Variants in MINDY3 observed in about 807,000 individuals in gnomAD.
The protein encoded by MINDY3 is MINDY lysine 48 deubiquitinase 3, also known as ubiquitin carboxyl-terminal hydrolase MINDY-3.
In MINDY3, 38 loss-of-function variants were observed where a neutral mutation model predicts 69.2. The ratio of observed to expected loss-of-function variants is 0.55; its 90% CI spans 0.42 to 0.72. MINDY3 has a LOEUF of 0.72. Ranked by LOEUF, MINDY3 falls within the 30% of genes least tolerant of loss-of-function variation. MINDY3 has a pLI of 0.00. For synonymous variants in MINDY3, 192 were observed against 180.1 expected (o/e 1.07, Z -0.53); for missense variants, 522 against 519.0 (o/e 1.01, Z -0.06).
rs745389552 is a variant in MINDY3, at chr10:15,837,274, A to G, written c.506T>C (p.Leu169Ser). ...RSLPELKDAV[L>S]DQYSMWGNKF... Reference sequence around the variant, plus strand: ...ATTTCCCCACATTGAATACTGGTCCAAGACAGCATCTTTTAATTCTGGTAA... The same window carrying G: ...ATTTCCCCACATTGAATACTGGTCCGAGACAGCATCTTTTAATTCTGGTAA... Residue 169 changes from leucine to serine, a missense_variant, in exon 6 of 15, where the codon TTG (leucine) becomes TCG (serine). Leu to Ser is a moderately radical substitution (Grantham distance 145). Coordinates refer to ENST00000277632, the MANE Select transcript of MINDY3 (RefSeq NM_024948.4). 1 of 1,608,170 alleles carries G rather than the reference A, an allele frequency of 6.2e-7. No homozygotes were observed.
intron 1 of MINDY3, among the ~76,000 whole-genome samples, chr10:15,848,763 G>A (rs1255421888): frequency 2.0e-5 from 3 of 151,858 alleles, no homozygotes; most frequent in East Asian, 1.9e-4. Context: ...AGCAGCTAGC[G>A]GAAGTTCTTC....
chr10:15,857,949 C>T (rs189400126), intron 1 of MINDY3: 2 of 985,092 alleles, frequency 2.0e-6, no homozygotes, highest in East Asian at 1.1e-4. Flanking sequence ...CAGTTGTCAA[C>T]TGAAGACACG....
At chr10:15,847,005 G>C (rs528504432) in intron 2 of MINDY3, among the ~76,000 whole-genome samples, 1 of 152,054 alleles carries the variant, frequency 6.6e-6, no homozygotes, top group South Asian at 2.1e-4. Flanking sequence ...TTACAGGTGC[G>C]AGCCACCGTG....
chr10:15,850,502 T>C (rs1834205678), intron 1 of MINDY3, among the ~76,000 whole-genome samples: 1 of 152,118 alleles, frequency 6.6e-6, no homozygotes, highest in Non-Finnish European at 1.5e-5. Flanking sequence ...GGGAGGTCTC[T>C]AAAATGGCCG....
rs140710655 is a variant in MINDY3, at chr10:15,789,886, A to G, written c.956-567T>C. On this transcript the variant is annotated intron_variant, in intron 11 of 14. Coordinates refer to ENST00000277632, the MANE Select transcript of MINDY3 (RefSeq NM_024948.4). ...GAAATGAAGAGTCAAACTAATGCTG[A>G]TGATGACTACTTTATGGAAAATGGT... Among the ~76,000 whole-genome samples, 4 of 152,266 alleles carry G rather than the reference A, an allele frequency of 2.6e-5. No homozygotes were observed. The East Asian group carries it at 7.7e-4, about 29-fold the overall frequency.
intron 10 of MINDY3, among the ~76,000 whole-genome samples, chr10:15,805,835 G>A (rs1380886446): frequency 1.3e-5 from 2 of 152,106 alleles, no homozygotes; most frequent in Non-Finnish European, 2.9e-5. Flanking sequence ...AAAGAGACAC[G>A]TGGAGCACAC....
At chr10:15,809,759 A>C (rs1838873141) in intron 10 of MINDY3, among the ~76,000 whole-genome samples, 1 of 152,110 alleles carries the variant, frequency 6.6e-6, no homozygotes, top group Non-Finnish European at 1.5e-5. Context: ...TCTCATTTAC[A>C]TAGGGTGGCT....
rs752936969 is a variant in MINDY3, at chr10:15,779,133, G to A, written c.1197C>T (p.Tyr399=). Reference sequence around the variant, plus strand: ...CCATCACAACTGCAGTCCCTTCTACGTACATGACCTGTTGAACAAAATAAA... The same window carrying A: ...CCATCACAACTGCAGTCCCTTCTACATACATGACCTGTTGAACAAAATAAA... ...KQSNYNEKVM[Y]VEGTAVVMGF... Residue 399 remains tyrosine (Y), a synonymous_variant, in exon 15 of 15, where the codon TAC becomes TAT. Transcript: ENST00000277632. The A allele has an allele frequency of 4.0e-5, 65 of 1,612,400 alleles. 1 individual carries two copies. Among genetic ancestry groups the A allele is most frequent in the South Asian group, 3.7e-4 (34 of 90,810 alleles).
chr10:15,840,567 C>A (rs1833400835), intron 4 of MINDY3, among the ~76,000 whole-genome samples: 1 of 151,616 alleles, frequency 6.6e-6, no homozygotes, highest in African/African-American at 2.4e-5. Flanking sequence ...TTGAAGTGTA[C>A]TTTCAGGTAC....
At chr10:15,838,328 A>C (rs1230521950) in intron 4 of MINDY3, 49 bp from the exon 5 acceptor site, 2 of 1,489,934 alleles carry the variant, frequency 1.3e-6, no homozygotes. Context: ...AATAAATGAC[A>C]CAAGATACAC....
chr10:15,808,693 G>A (rs776747639), intron 10 of MINDY3, among the ~76,000 whole-genome samples: 1 of 152,082 alleles, frequency 6.6e-6, no homozygotes, highest in Non-Finnish European at 1.5e-5. Context: ...ATATTCACGT[G>A]TTCATGCCTG....
chr10:15,796,124 C>A lies in MINDY3; in HGVS notation c.931G>T (p.Val311Phe), dbSNP rs1328378194. The A allele has an allele frequency of 1.2e-6, 2 of 1,612,698 alleles. No homozygotes were observed. Among genetic ancestry groups the A allele is most frequent in the South Asian group, 1.1e-5 (1 of 90,960 alleles). The change falls in exon 11 of 15, where the codon GTT becomes TTT. Residue 311 changes from valine to phenylalanine, a missense_variant. Val to Phe is a conservative substitution (Grantham distance 50, BLOSUM62 -1). Transcript: ENST00000277632. ...CCTTCTGGGTCGTAGGTTTGAAAAACTCTTCTGGCTTGTTCTGAAGGAGCT... is the reference window on the plus strand; with the variant it reads ...CCTTCTGGGTCGTAGGTTTGAAAAAATCTTCTGGCTTGTTCTGAAGGAGCT... ...PEAPSEQARR[V>F]FQTYDPEDNG...
At chr10:15,854,416 G>A (rs759151670) in intron 1 of MINDY3, among the ~76,000 whole-genome samples, 2 of 152,034 alleles carry the variant, frequency 1.3e-5, no homozygotes, top group African/African-American at 2.4e-5. Context: ...ACATTAAAGA[G>A]ATTAGCAAAA....
At chr10:15,792,480 C>A (rs553971036) in intron 11 of MINDY3, among the ~76,000 whole-genome samples, 1 of 152,178 alleles carries the variant, frequency 6.6e-6, no homozygotes, top group South Asian at 2.1e-4. Context: ...GGATGCCTGA[C>A]AGAAACAGTG....
At chr10:15,779,995 T>TA (rs973638130) in intron 14 of MINDY3, among the ~76,000 whole-genome samples, 62 of 152,186 alleles carry the variant, frequency 4.1e-4, no homozygotes, top group African/African-American at 1.4e-3. Context: ...TTCTTTTTTG[T>TA]ACCAAGAGAA....
At chr10:15,806,604 C>A (rs1480138529) in intron 10 of MINDY3, among the ~76,000 whole-genome samples, 2 of 152,132 alleles carry the variant, frequency 1.3e-5, no homozygotes, top group Non-Finnish European at 2.9e-5. Flanking sequence ...GCTTTACATT[C>A]ATGCCACGGA....
chr10:15,856,132 T>C (rs1834674662), intron 1 of MINDY3, among the ~76,000 whole-genome samples: 1 of 151,994 alleles, frequency 6.6e-6, no homozygotes, highest in Admixed American at 6.6e-5. Context: ...TAGCTTCACT[T>C]TGGAAGAAAA....
intron 6 of MINDY3, among the ~76,000 whole-genome samples, chr10:15,836,234 G>C (rs920594273): frequency 2.6e-5 from 4 of 151,900 alleles, no homozygotes; most frequent in African/African-American, 9.7e-5. Context: ...AGTGCCCACT[G>C]CTGGAAAAAA....
intron 13 of MINDY3, 147 bp from the exon 14 acceptor site, chr10:15,782,373 G>A: frequency 1.7e-6 from 1 of 583,844 alleles, no homozygotes; most frequent in Non-Finnish European, 2.9e-6. Flanking sequence ...GGTTTATGGA[G>A]TTGTAACTAC....
Sources: allele counts gnomAD v4.1 joint callset (sites outside exome capture counted in the v4.1 genomes callset), GRCh38; gene constraint gnomAD v4.1.1; transcripts MANE v1.5; gene names NCBI Gene and HGNC (gene_info 2026-07-23, HGNC 2026-07-21).